The following IFT74 variants were observed in gnomAD, a reference collection of about 807,000 sequenced individuals.
IFT74 encodes the protein intraflagellar transport protein 74 homolog.
IFT74 carries 92 observed loss-of-function variants against 96.7 expected under a neutral mutation model. That is an observed-to-expected ratio of 0.95 (90% confidence interval 0.80 to 1.13). The LOEUF is 1.13. Among genes scored for constraint, IFT74 ranks in the 50% most tolerant of loss-of-function variants. The pLI, the probability that IFT74 is intolerant of heterozygous loss-of-function variation, is 0.00. For missense variants in IFT74, 811 were observed against 698.2 expected (o/e 1.16, Z -1.82); for synonymous variants, 223 against 213.2 (o/e 1.05, Z -0.40).
intron 8 of IFT74, among the ~76,000 whole-genome samples, chr9:27,006,887 A>C (rs1587339584): frequency 8.5e-6 from 1 of 116,994 alleles, no homozygotes; most frequent in Non-Finnish European, 1.6e-5. Flanking sequence ...CCCAGGCTGG[A>C]GTGTAGTGGC....
chr9:27,025,941 A>G (rs1459929218), intron 12 of IFT74, among the ~76,000 whole-genome samples: 1 of 152,216 alleles, frequency 6.6e-6, no homozygotes, highest in Non-Finnish European at 1.5e-5. Flanking sequence ...AAACTAAGGT[A>G]TTCAGGCAAT....
Position 26,968,559 on chromosome 9 carries a change from C to T in IFT74, c.120+6472C>T, listed in dbSNP as rs756931969. Among the ~76,000 whole-genome samples the T allele has an allele frequency of 5.2e-4, 79 of 152,098 alleles. 1 individual carries two copies. Among genetic ancestry groups the T allele is most frequent in the Non-Finnish European group, 1.1e-3 (72 of 68,016 alleles). The stretch of plus-strand genomic sequence containing the variant: ...ACAGGCGTGAGCCACCTCGCCCAGC[C>T]GGGACACTTTTTATTATGGCTTGGA... On this transcript the variant is annotated intron_variant, in intron 2 of 19. Transcript: ENST00000380062.
chr9:27,007,240 A>G (rs909000001), intron 8 of IFT74, among the ~76,000 whole-genome samples: 4 of 152,124 alleles, frequency 2.6e-5, no homozygotes, highest in African/African-American at 9.7e-5. Context: ...TGGACATCAT[A>G]TGGCCTTTAG....
rs1829303865 is a variant in IFT74, at chr9:27,015,663, C to A, written c.790-1244C>A. Reference sequence around the variant, plus strand: ...AAAAAGAAAAAAAAATGAGGTCTTCCCTTCTAAGAATTTTATTTTGTTCAA... The same window carrying A: ...AAAAAGAAAAAAAAATGAGGTCTTCACTTCTAAGAATTTTATTTTGTTCAA... On this transcript the variant is annotated intron_variant, in intron 10 of 19. Transcript: ENST00000380062. 3.3e-5 allele frequency among the ~76,000 whole-genome samples: 5 copies of A among 152,034 alleles called. No homozygotes were observed. The South Asian group carries it at 1.0e-3, about 32-fold the overall frequency.
At chr9:26,980,412 ATTAG>A (rs1827319544) in intron 3 of IFT74, among the ~76,000 whole-genome samples, 155 bp from the exon 4 acceptor site, 1 of 152,144 alleles carries the variant, frequency 6.6e-6, no homozygotes, top group African/African-American at 2.4e-5. Flanking sequence ...ATTCTAAGGT[ATTAG>A]TTCTCTTTTC....
At chr9:26,956,544 C>T (rs1021380485) in intron 1 of IFT74, 28 bp downstream of exon 1, 3 of 152,368 alleles carry the variant, frequency 2.0e-5, no homozygotes, top group Non-Finnish European at 4.4e-5. Flanking sequence ...CCATCTCTTC[C>T]TCCCTCCCTC....
chr9:26,955,083 A>G (rs771227176), upstream of IFT74, among the ~76,000 whole-genome samples: 6 of 152,174 alleles, frequency 3.9e-5, no homozygotes, highest in Non-Finnish European at 7.3e-5. Flanking sequence ...GCCAATTTCA[A>G]CTGTTAATAT....
chr9:27,049,378 A>G (rs1587415153), intron 16 of IFT74, among the ~76,000 whole-genome samples: 1 of 152,212 alleles, frequency 6.6e-6, no homozygotes, highest in African/African-American at 2.4e-5. Context: ...TAAATAGTAC[A>G]TTCTTTCGGC....
At position 27,064,297 on chromosome 9, in the gene IFT74, C is replaced by T. The variant is rs1454664289; in HGVS notation, c.*1561C>T. On this transcript the variant is annotated 3_prime_UTR_variant, in exon 20 of 20. Transcript: ENST00000380062. ...GAGTATGTCTCTTTTTAGCCACCCT[C>T]AGCTGTTTTATGCTGTGATTGTATG... Among the ~76,000 whole-genome samples the T allele has an allele frequency of 1.3e-5, 2 of 152,184 alleles. No individual in the cohort carries two copies. The highest frequency in any genetic ancestry group is 3.4e-3 in the Middle Eastern group (1 of 294).
At chr9:27,017,217 A>ATTT (rs1172173633) in intron 11 of IFT74, among the ~76,000 whole-genome samples, 167 bp downstream of exon 11, 1 of 151,306 alleles carries the variant, frequency 6.6e-6, no homozygotes, top group Non-Finnish European at 1.5e-5. Flanking sequence ...TTCCTCTTTT[A>ATTT]TTATTATTAT....
At chr9:27,006,069 C>A (rs1828760520) in intron 8 of IFT74, among the ~76,000 whole-genome samples, 1 of 151,986 alleles carries the variant, frequency 6.6e-6, no homozygotes, top group Admixed American at 6.6e-5. Context: ...GTCTCAAACT[C>A]CTGACCTCAG....
chr9:27,056,753 A>G (rs1235941524), intron 18 of IFT74, among the ~76,000 whole-genome samples: 1 of 151,906 alleles, frequency 6.6e-6, no homozygotes, highest in Non-Finnish European at 1.5e-5. Flanking sequence ...TACAGAAACT[A>G]AAAATCCATA....
At chr9:27,011,800 T>C (rs1829091649) in intron 9 of IFT74, 106 bp from the exon 10 acceptor site, 1 of 559,020 alleles carries the variant, frequency 1.8e-6, no homozygotes, top group South Asian at 4.2e-5. Flanking sequence ...CTTTGAAATG[T>C]TGAGAAACAG....
intron 12 of IFT74, among the ~76,000 whole-genome samples, chr9:27,027,095 A>T (rs1829901311): frequency 6.6e-6 from 1 of 152,134 alleles, no homozygotes; most frequent in South Asian, 2.1e-4. Context: ...AGAAAAGAAG[A>T]GAAAAGATCC....
rs141262494 is a variant in IFT74, at chr9:26,949,599, A to C, written c.-20+2453A>C. On this transcript the variant is annotated intron_variant, in intron 1 of 19. Coordinates refer to the IFT74 transcript ENST00000433700. The stretch of plus-strand genomic sequence containing the variant: ...TGTAATTGCCTGCTGCCTTCCAAAA[A>C]ACCAATGCACTGAGAACTACAAATG... 1.0e-2 allele frequency among the ~76,000 whole-genome samples: 1,522 copies of C among 152,302 alleles called. 19 individuals carry two copies. Among genetic ancestry groups the C allele is most frequent in the African/African-American group, 0.034 (1,430 of 41,560 alleles).
chr9:27,061,216 G>T (rs1399400425), intron 19 of IFT74, among the ~76,000 whole-genome samples: 2 of 152,038 alleles, frequency 1.3e-5, no homozygotes, highest in Non-Finnish European at 2.9e-5. Context: ...GATTTTGGGA[G>T]TTGCCAAAAA....
At chr9:26,983,663 C>T (rs1287663787) in intron 4 of IFT74, among the ~76,000 whole-genome samples, 2 of 151,832 alleles carry the variant, frequency 1.3e-5, no homozygotes, top group African/African-American at 4.8e-5. Context: ...GTGGCTTGTA[C>T]TAGTTTGACC....
chr9:27,038,781 A>G (rs1386461537), intron 13 of IFT74, among the ~76,000 whole-genome samples: 2 of 152,196 alleles, frequency 1.3e-5, no homozygotes, highest in African/African-American at 4.8e-5. Context: ...GATACTTGAA[A>G]AATTTGCAGC....
chr9:26,955,910 T>C (rs539442885), upstream of IFT74: 2 of 150,782 alleles, frequency 1.3e-5, no homozygotes, highest in Non-Finnish European at 2.9e-5. Flanking sequence ...CAAATTCTAA[T>C]GAAAGGAAGC....
Sources: gnomAD v4.1 joint callset for allele counts (sites outside exome capture counted in the v4.1 genomes callset) on GRCh38, gnomAD v4.1.1 for gene constraint, MANE v1.5 for transcripts, NCBI Gene and HGNC (gene_info 2026-07-23, HGNC 2026-07-21) for gene names.